The following FAM13A variants were observed in gnomAD, a reference collection of about 807,000 sequenced individuals.
FAM13A encodes the protein protein FAM13A.
FAM13A carries 76 observed loss-of-function variants against 129.6 expected under a neutral mutation model. That is an observed-to-expected ratio of 0.59 (90% CI 0.49 to 0.71). FAM13A has a LOEUF of 0.71. FAM13A is among the 30% of genes least tolerant of loss of function. The pLI is 0.00. For synonymous variants in FAM13A, 443 were observed against 449.9 expected (o/e 0.98, Z 0.20); for missense variants, 1,108 against 1,249.3 (o/e 0.89, Z 1.70).
chr4:89,034,384 C>T (rs1484663841), intron 1 of FAM13A, among the ~76,000 whole-genome samples: 1 of 152,136 alleles, frequency 6.6e-6, no homozygotes, highest in Admixed American at 6.6e-5. Flanking sequence ...ATCTCACTCA[C>T]ACCAGTCAGA....
At chr4:88,758,498 A>G (rs1023884398) in intron 14 of FAM13A, among the ~76,000 whole-genome samples, 22 of 151,790 alleles carry the variant, frequency 1.4e-4, no homozygotes, top group Admixed American at 6.6e-4. Flanking sequence ...GTCACAAAGG[A>G]AAAAAAAAGG....
At chr4:88,922,364 G>A (rs2148722659) in intron 5 of FAM13A, among the ~76,000 whole-genome samples, 1 of 152,188 alleles carries the variant, frequency 6.6e-6, no homozygotes, top group East Asian at 1.9e-4. Flanking sequence ...TCAGACCACA[G>A]TGCAATCAAA....
chr4:88,901,238 A>T (rs538716135), intron 6 of FAM13A, among the ~76,000 whole-genome samples: 1 of 152,152 alleles, frequency 6.6e-6, no homozygotes, highest in South Asian at 2.1e-4. Flanking sequence ...GATCATCGAG[A>T]CAGAAAATTA....
intron 6 of FAM13A, among the ~76,000 whole-genome samples, chr4:88,852,845 A>G (rs1409787251): frequency 6.6e-6 from 1 of 152,218 alleles, no homozygotes; most frequent in Non-Finnish European, 1.5e-5. Flanking sequence ...GAACATAAAT[A>G]TTGAATAAAT....
intron 8 of FAM13A, among the ~76,000 whole-genome samples, chr4:88,804,660 T>C (rs943775663): frequency 6.6e-6 from 1 of 151,898 alleles, no homozygotes; most frequent in African/African-American, 2.4e-5. Context: ...GAATGGGTCT[T>C]GTACCCATTT....
Position 88,758,807 on chromosome 4 carries a change from G to C in FAM13A, c.1673C>G (p.Ser558Cys), listed in dbSNP as rs1013202767. ...DAGDQEESFV[S>C]EVPQSDLTAL... ...AGTCAGGTCCGACTGGGGCACTTCGGAGACAAAGCTCTCCTCCTGGTCACC... is the reference window on the plus strand; with the variant it reads ...AGTCAGGTCCGACTGGGGCACTTCGCAGACAAAGCTCTCCTCCTGGTCACC... Residue 558 changes from serine to cysteine, a missense_variant, in exon 14 of 24, where the codon TCC (serine) becomes TGC (cysteine). By Grantham distance (112) the Ser-to-Cys change is moderately radical (BLOSUM62 -1). Transcript: ENST00000264344. The C allele has an allele frequency of 6.2e-7, 1 of 1,613,904 alleles. No individual in the cohort carries two copies. The highest frequency in any genetic ancestry group is 1.3e-5 in the African/African-American group (1 of 74,894).
chr4:88,927,221 A>G (rs1023694713), intron 5 of FAM13A, among the ~76,000 whole-genome samples: 2 of 150,410 alleles, frequency 1.3e-5, no homozygotes, highest in Non-Finnish European at 1.5e-5. Context: ...TTGTATAGCT[A>G]GTAGTGTAAA....
At chr4:88,911,350 T>G (rs1749062772) in intron 5 of FAM13A, among the ~76,000 whole-genome samples, 1 of 152,196 alleles carries the variant, frequency 6.6e-6, no homozygotes. Context: ...TGGTTTCACA[T>G]TAAATTTATG....
At chr4:88,752,955 A>AG (rs1437403455) in intron 14 of FAM13A, among the ~76,000 whole-genome samples, 1 of 152,226 alleles carries the variant, frequency 6.6e-6, no homozygotes, top group Non-Finnish European at 1.5e-5. Context: ...AAAGCAGCAA[A>AG]GCCACTGGGG....
chr4:88,820,270 C>G (rs2149825012), intron 7 of FAM13A, among the ~76,000 whole-genome samples: 2 of 152,258 alleles, frequency 1.3e-5, no homozygotes, highest in East Asian at 3.9e-4. Flanking sequence ...TATTATCCAT[C>G]TAGGCACATC....
chr4:88,858,547 G>A (rs2100679), intron 6 of FAM13A, among the ~76,000 whole-genome samples: 105,788 of 152,094 alleles, frequency 0.7, 38,076 homozygotes, highest in East Asian at 0.93. Context: ...TATCTGTAGG[G>A]TGGAATACGA....
intron 1 of FAM13A, among the ~76,000 whole-genome samples, chr4:89,041,267 T>C (rs1459882430): frequency 6.6e-6 from 1 of 152,142 alleles, no homozygotes; most frequent in Non-Finnish European, 1.5e-5. Flanking sequence ...AAATGATAAA[T>C]ACTTGAGGTG....
At chr4:88,768,973 CAA>C (rs1201183386) in intron 11 of FAM13A, among the ~76,000 whole-genome samples, 1 of 152,112 alleles carries the variant, frequency 6.6e-6, no homozygotes, top group Admixed American at 6.6e-5. Context: ...TCAGCAAACT[CAA>C]AAACATAGCT....
chr4:88,739,191 T>C (rs569685131), intron 19 of FAM13A, 66 bp from the exon 20 acceptor site: 15 of 1,045,756 alleles, frequency 1.4e-5, no homozygotes, highest in African/African-American at 7.8e-5. Context: ...TGTCTAAGCA[T>C]GCTCTGGGCC....
intron 11 of FAM13A, among the ~76,000 whole-genome samples, chr4:88,780,348 C>T (rs553760197): frequency 8.7e-4 from 132 of 152,216 alleles, no homozygotes; most frequent in African/African-American, 3.1e-3. Context: ...GGTCAAAGTA[C>T]GTCAGAGGAT....
chr4:88,863,164 T>G (rs1441928957), intron 6 of FAM13A, among the ~76,000 whole-genome samples: 2 of 152,062 alleles, frequency 1.3e-5, no homozygotes, highest in African/African-American at 4.8e-5. Context: ...CCAGAGGAAC[T>G]AACTGCGTGA....
intron 7 of FAM13A, among the ~76,000 whole-genome samples, chr4:88,834,203 T>C (rs1286324154): frequency 7.7e-6 from 1 of 129,380 alleles, no homozygotes; most frequent in Non-Finnish European, 1.5e-5. Context: ...TGAGCCGCCA[T>C]GCCTGGCAAA....
intron 13 of FAM13A, 105 bp downstream of exon 13, chr4:88,767,448 T>C: frequency 1.4e-6 from 1 of 725,032 alleles, no homozygotes; most frequent in Non-Finnish European, 2.2e-6. Context: ...ACAGTTATAT[T>C]ACTTATCTCA....
chr4:88,930,616 C>CT (rs1219251196), intron 5 of FAM13A, among the ~76,000 whole-genome samples: 6 of 152,116 alleles, frequency 3.9e-5, no homozygotes, highest in Admixed American at 3.9e-4. Flanking sequence ...CCCAGAGCAG[C>CT]TTACTTTAGC....
Sources: allele counts gnomAD v4.1 joint callset (sites outside exome capture counted in the v4.1 genomes callset), GRCh38; gene constraint gnomAD v4.1.1; transcripts MANE v1.5; gene names NCBI Gene and HGNC (gene_info 2026-07-23, HGNC 2026-07-21).